Variants in ADK observed in about 807,000 individuals in gnomAD.
The protein encoded by ADK is adenosine kinase, also known as N6,N6-dimethyladenosine kinase.
A neutral mutation model predicts 44.7 loss-of-function variants in ADK; 24 were observed. That is an observed-to-expected ratio of 0.54 (90% CI 0.39 to 0.76). ADK has a LOEUF of 0.76. Among genes scored for constraint, ADK ranks in the 30% least tolerant of loss-of-function variants. ADK has a pLI of 0.00. For missense variants in ADK, 321 were observed against 425.1 expected (o/e 0.76, Z 2.15); for synonymous variants, 128 against 142.6 (o/e 0.90, Z 0.73).
At chr10:74,633,757 A>G (rs893711684) in intron 9 of ADK, among the ~76,000 whole-genome samples, 2 of 152,228 alleles carry the variant, frequency 1.3e-5, no homozygotes, top group Non-Finnish European at 2.9e-5. Context: ...AGGAGAGTCT[A>G]TACTTGGAGG....
At chr10:74,706,231 A>C (rs149726053) in intron 10 of ADK, among the ~76,000 whole-genome samples, 3,426 of 152,308 alleles carry the variant, frequency 0.022, 73 homozygotes, top group Non-Finnish European at 0.038. Flanking sequence ...GCAGTGAGCC[A>C]TGAGTGTGCC....
intron 7 of ADK, among the ~76,000 whole-genome samples, chr10:74,537,335 C>G (rs1308932743): frequency 6.6e-6 from 1 of 152,168 alleles, no homozygotes; most frequent in African/African-American, 2.4e-5. Context: ...TCCAAAATTA[C>G]TGTAGTTTAA....
At chr10:74,616,016 C>T (rs1852745867) in intron 9 of ADK, among the ~76,000 whole-genome samples, 1 of 152,096 alleles carries the variant, frequency 6.6e-6, no homozygotes, top group South Asian at 2.1e-4. Context: ...GCCTTGCTTA[C>T]TGGCATTTGG....
intron 6 of ADK, among the ~76,000 whole-genome samples, chr10:74,437,041 A>G (rs1269895493): frequency 6.6e-6 from 1 of 152,178 alleles, no homozygotes; most frequent in Non-Finnish European, 1.5e-5. Flanking sequence ...AATAGAAAAC[A>G]AGAAAATAGA....
At chr10:74,416,065 C>CAT (rs1376900095) in intron 6 of ADK, among the ~76,000 whole-genome samples, 1 of 134,562 alleles carries the variant, frequency 7.4e-6, no homozygotes, top group South Asian at 2.4e-4. Context: ...CACACACACA[C>CAT]ATATATGTAA....
At chr10:74,331,687 T>C (rs1166757619) in intron 4 of ADK, among the ~76,000 whole-genome samples, 1 of 152,190 alleles carries the variant, frequency 6.6e-6, no homozygotes, top group Non-Finnish European at 1.5e-5. Context: ...GATTTCATCA[T>C]GTTGGCAAGG....
intron 3 of ADK, among the ~76,000 whole-genome samples, chr10:74,271,961 G>T (rs1418186994): frequency 6.6e-6 from 1 of 151,986 alleles, no homozygotes; most frequent in Non-Finnish European, 1.5e-5. Context: ...AAACCCCATT[G>T]ATAGTAAATT....
At chr10:74,556,752 T>G (rs891092024) in intron 7 of ADK, among the ~76,000 whole-genome samples, 2 of 152,226 alleles carry the variant, frequency 1.3e-5, no homozygotes, top group Non-Finnish European at 2.9e-5. Flanking sequence ...GGCATGCTAT[T>G]AGTTCCTTTT....
At chr10:74,207,916 AG>A (rs1300963464) in intron 2 of ADK, among the ~76,000 whole-genome samples, 2 of 151,976 alleles carry the variant, frequency 1.3e-5, no homozygotes, top group Non-Finnish European at 2.9e-5. Flanking sequence ...GTTGGTGATG[AG>A]GGTACTTGCT....
intron 4 of ADK, among the ~76,000 whole-genome samples, chr10:74,342,951 A>G (rs1483012368): frequency 6.6e-6 from 1 of 151,976 alleles, no homozygotes; most frequent in Non-Finnish European, 1.5e-5. Context: ...CTTTCTTTCT[A>G]ATTTGGAAGC....
At chr10:74,404,039 A>AT (rs2132896033) in intron 6 of ADK, among the ~76,000 whole-genome samples, 1 of 151,850 alleles carries the variant, frequency 6.6e-6, no homozygotes, top group South Asian at 2.1e-4. Context: ...TGCCCGGCTA[A>AT]TTTTTTGTAT....
At chr10:74,615,232 T>C (rs1389662272) in intron 9 of ADK, among the ~76,000 whole-genome samples, 1 of 152,220 alleles carries the variant, frequency 6.6e-6, no homozygotes, top group Non-Finnish European at 1.5e-5. Flanking sequence ...AGTCAATATA[T>C]AGTTATCCAA....
chr10:74,302,137 T>TTTTTTTTTTTTTTTTTTTTG (rs1840078403), intron 3 of ADK, among the ~76,000 whole-genome samples: 1 of 103,822 alleles, frequency 9.6e-6, no homozygotes, highest in African/African-American at 3.7e-5. Context: ...TTTTTTTTTT[T>TTTTTTTTTTTTTTTTTTTTG]TTTTTTTTTG....
At chr10:74,677,955 C>G (rs893069897) in intron 10 of ADK, among the ~76,000 whole-genome samples, 1 of 98,628 alleles carries the variant, frequency 1.0e-5, no homozygotes, top group Non-Finnish European at 1.8e-5. Context: ...CAGTGAGACC[C>G]CAGTCTCTAC....
chr10:74,409,349 G>A lies in ADK; in HGVS notation c.555+10770G>A, dbSNP rs573328414. 1.1e-4 allele frequency among the ~76,000 whole-genome samples: 17 copies of A among 152,254 alleles called. No individual in the cohort carries two copies. In the East Asian group the frequency reaches 1.9e-3, roughly 17 times the overall value. ...GTATTAAAAAGATTTTTAAGAAATA[G>A]ATTTTAACAAACTTTCAGTACCTTG... is the stretch of plus-strand genomic sequence containing the variant. On this transcript the variant is annotated intron_variant, in intron 6 of 10. Transcript: ENST00000539909.
chr10:74,662,361 T>A (rs1854765870), intron 9 of ADK, among the ~76,000 whole-genome samples: 1 of 152,106 alleles, frequency 6.6e-6, no homozygotes, highest in Non-Finnish European at 1.5e-5. Flanking sequence ...GCTCACTGCA[T>A]CCTCAACCAC....
intron 5 of ADK, among the ~76,000 whole-genome samples, chr10:74,396,912 G>A (rs1297109705): frequency 6.6e-6 from 1 of 151,594 alleles, no homozygotes; most frequent in Non-Finnish European, 1.5e-5. Flanking sequence ...CCAAGACGGA[G>A]CCATTGCTCT....
At chr10:74,588,823 A>C (rs554075707) in intron 7 of ADK, among the ~76,000 whole-genome samples, 109 of 152,196 alleles carry the variant, frequency 7.2e-4, no homozygotes, top group Non-Finnish European at 1.4e-3. Flanking sequence ...TGAGTTTAAC[A>C]TCTACTGAGG....
chr10:74,565,999 CA>C (rs765806938), intron 7 of ADK, among the ~76,000 whole-genome samples: 3 of 152,016 alleles, frequency 2.0e-5, no homozygotes, highest in Non-Finnish European at 4.4e-5. Flanking sequence ...TGATAAGTGG[CA>C]GATGCCTTAT....
Sources: gnomAD v4.1 joint callset for allele counts (sites outside exome capture counted in the v4.1 genomes callset) on GRCh38, gnomAD v4.1.1 for gene constraint, MANE v1.5 for transcripts, NCBI Gene and HGNC (gene_info 2026-07-23, HGNC 2026-07-21) for gene names.